Variants in CATSPERT observed in about 807,000 individuals in gnomAD.
CATSPERT encodes cation channel sperm-associated targeting subunit tau.
the CATSPERT span, among the ~76,000 whole-genome samples, chr2:201,516,913 C>G: frequency 1.4e-5 from 2 of 144,090 alleles, no homozygotes; most frequent in Non-Finnish European, 3.0e-5. Flanking sequence ...CGGGATAAAG[C>G]TGGAGTAATA....
At chr2:201,533,327 A>G in the CATSPERT span, among the ~76,000 whole-genome samples, 4 of 152,216 alleles carry the variant, frequency 2.6e-5, no homozygotes, top group African/African-American at 9.6e-5. Context: ...TGCAACTACA[A>G]ACAGAAGTTA....
At chr2:201,573,256 T>C in the CATSPERT span, among the ~76,000 whole-genome samples, 2 of 152,232 alleles carry the variant, frequency 1.3e-5, no homozygotes, top group African/African-American at 4.8e-5. Context: ...TGTGGCAATG[T>C]GGACCTATGG....
the CATSPERT span, among the ~76,000 whole-genome samples, chr2:201,566,436 A>G: frequency 7.2e-6 from 1 of 139,162 alleles, no homozygotes; most frequent in Non-Finnish European, 1.5e-5. Context: ...ATTCCCACCT[A>G]TGAGTGACAA....
At chr2:201,600,981 A>G in the CATSPERT span, among the ~76,000 whole-genome samples, 8 of 152,142 alleles carry the variant, frequency 5.3e-5, no homozygotes, top group African/African-American at 1.9e-4. Context: ...AACTGCTGAC[A>G]TCAAGTAATC....
the CATSPERT span, among the ~76,000 whole-genome samples, chr2:201,611,417 A>G: frequency 6.7e-3 from 1,025 of 152,364 alleles, 45 homozygotes; most frequent in Admixed American, 0.06. Flanking sequence ...TTTGAGACCA[A>G]CAAAAATGGA....
At chr2:201,552,554 C>T in the CATSPERT span, among the ~76,000 whole-genome samples, 4 of 152,070 alleles carry the variant, frequency 2.6e-5, no homozygotes, top group African/African-American at 9.7e-5. Flanking sequence ...AAACTTTGCA[C>T]TTTTTGTAAA....
chr2:201,491,795 C>T, the CATSPERT span: 1 of 1,537,002 alleles, frequency 6.5e-7, no homozygotes, highest in East Asian at 2.4e-5. Context: ...TCACACCAAG[C>T]TTTTGATTGA....
chr2:201,516,799 C>CG, the CATSPERT span, among the ~76,000 whole-genome samples: 2 of 94,936 alleles, frequency 2.1e-5, no homozygotes, highest in South Asian at 3.6e-4. Context: ...TGGGGGTGGG[C>CG]GGGGAAGGGG....
chr2:201,613,712 C>T, the CATSPERT span, among the ~76,000 whole-genome samples: 15 of 152,128 alleles, frequency 9.9e-5, no homozygotes, highest in African/African-American at 3.4e-4. Context: ...ATGAATTTGA[C>T]GAGTTGAGAG....
chr2:201,561,785 A>G, the CATSPERT span, among the ~76,000 whole-genome samples: 1 of 152,048 alleles, frequency 6.6e-6, no homozygotes, highest in African/African-American at 2.4e-5. Context: ...GAGGCAAGAG[A>G]ATCTCTTGAA....
chr2:201,601,317 G>GTGTAT, the CATSPERT span, among the ~76,000 whole-genome samples: 1 of 127,992 alleles, frequency 7.8e-6, no homozygotes, highest in Non-Finnish European at 1.6e-5. Flanking sequence ...TGTGTGTGTG[G>GTGTAT]GTTGTAATAA....
the CATSPERT span, among the ~76,000 whole-genome samples, chr2:201,532,654 G>A: frequency 6.6e-6 from 1 of 152,180 alleles, no homozygotes; most frequent in South Asian, 2.1e-4. Flanking sequence ...GACTGGGTGT[G>A]AGACAATTGA....
At chr2:201,513,482 G>A in the CATSPERT span, among the ~76,000 whole-genome samples, 1 of 152,190 alleles carries the variant, frequency 6.6e-6, no homozygotes, top group South Asian at 2.1e-4. Context: ...CTATTAGTGG[G>A]AATGTAAATT....
the CATSPERT span, chr2:201,604,754 ACATCAATT>A: frequency 8.5e-7 from 1 of 1,179,942 alleles, no homozygotes; most frequent in Non-Finnish European, 1.2e-6. Context: ...ACTAGATGAA[ACATCAATT>A]CAATAATTAT....
the CATSPERT span, among the ~76,000 whole-genome samples, chr2:201,502,212 G>A: frequency 6.6e-6 from 1 of 152,178 alleles, no homozygotes; most frequent in African/African-American, 2.4e-5. Flanking sequence ...AATTCTAGGT[G>A]AACAGGTTTC....
the CATSPERT span, among the ~76,000 whole-genome samples, chr2:201,570,120 C>G: frequency 6.6e-6 from 1 of 152,058 alleles, no homozygotes; most frequent in Admixed American, 6.5e-5. Context: ...GAGGTCAAGG[C>G]TGCAGTGAGC....
the CATSPERT span, among the ~76,000 whole-genome samples, chr2:201,506,171 G>A: frequency 6.6e-6 from 1 of 152,178 alleles, no homozygotes; most frequent in Non-Finnish European, 1.5e-5. Flanking sequence ...GGAGGCTGAG[G>A]CAGGAGAATG....
At chr2:201,543,683 T>C in the CATSPERT span, among the ~76,000 whole-genome samples, 1 of 152,128 alleles carries the variant, frequency 6.6e-6, no homozygotes, top group African/African-American at 2.4e-5. Context: ...ACAAAACTGA[T>C]TTTTCTGTGT....
chr2:201,524,480 A>C, the CATSPERT span, among the ~76,000 whole-genome samples: 1 of 152,232 alleles, frequency 6.6e-6, no homozygotes, highest in South Asian at 2.1e-4. Context: ...GAAGTGCTAA[A>C]TATGGGGGAA....
Sources: allele counts gnomAD v4.1 joint callset (sites outside exome capture counted in the v4.1 genomes callset), GRCh38; gene constraint gnomAD v4.1.1; transcripts MANE v1.5; gene names NCBI Gene and HGNC (gene_info 2026-07-23, HGNC 2026-07-21).